TWF2: variants seen among roughly 807,000 people sequenced by gnomAD.
The protein encoded by TWF2 is twinfilin actin binding protein 2.
TWF2 carries 15 observed loss-of-function variants against 45.1 expected under a neutral mutation model. The observed-to-expected ratio is 0.33, with a 90% confidence interval of 0.22 to 0.51. TWF2 has a LOEUF of 0.51. TWF2 is among the 20% of genes least tolerant of loss of function. The probability of loss-of-function intolerance (pLI) is 0.97; values close to 1 mark genes in which losing one functional copy is unlikely to be tolerated. For synonymous variants in TWF2, 177 were observed against 195.8 expected (o/e 0.90, Z 0.80); for missense variants, 423 against 469.1 (o/e 0.90, Z 0.91).
intron 3 of TWF2, among the ~76,000 whole-genome samples, 167 bp from the exon 4 acceptor site, chr3:52,231,706 C>G (rs563704035): frequency 6.6e-6 from 1 of 152,314 alleles, no homozygotes; most frequent in Admixed American, 6.5e-5. Flanking sequence ...CAGGGGGAGC[C>G]CTCGTCCAGC....
In TWF2 at chr3:52,228,843, T is replaced by C. The variant is rs554348352; in HGVS notation, c.*191A>G. 4 of 857,842 alleles carry C rather than the reference T, an allele frequency of 4.7e-6. No individual in the cohort carries two copies. In the Admixed American group the frequency reaches 1.2e-4, roughly 26 times the overall value. 53.1% of individuals were successfully genotyped at this position (857,842 alleles called of 1,614,324 possible). A position where few individuals can be genotyped will look rare whatever the true frequency, so the allele number is the denominator to read the frequency against. On this transcript the variant is annotated 3_prime_UTR_variant, in exon 9 of 9. Coordinates refer to ENST00000305533, the MANE Select transcript of TWF2 (RefSeq NM_007284.4). ...GGACACCCTGGGCACACAGACGAGATGCAGGGACAGCAACAGGGAAGGGTC... is the reference window on the plus strand; with the variant it reads ...GGACACCCTGGGCACACAGACGAGACGCAGGGACAGCAACAGGGAAGGGTC...
At position 52,229,010 on chromosome 3, in the gene TWF2, C is replaced by T. The variant is rs376541927; in HGVS notation, c.*24G>A. 93 of 1,605,242 alleles carry T rather than the reference C, an allele frequency of 5.8e-5. 1 individual carries two copies. Among genetic ancestry groups the T allele is most frequent in the Non-Finnish European group, 7.3e-5 (86 of 1,176,508 alleles). Reference sequence around the variant, plus strand: ...AAGGTGGGCAGCCCCACAGTCCACACGTGGCCGGCCCTGCTCCAGCCTCCT... The same window carrying T: ...AAGGTGGGCAGCCCCACAGTCCACATGTGGCCGGCCCTGCTCCAGCCTCCT... On this transcript the variant is annotated 3_prime_UTR_variant, in exon 9 of 9. Transcript: ENST00000305533.
At chr3:52,231,867 G>A in intron 3 of TWF2, 77 bp downstream of exon 3, 1 of 1,550,838 alleles carries the variant, frequency 6.4e-7, no homozygotes. Flanking sequence ...GTCCCCTCTT[G>A]GATCCCCCAG....
At chr3:52,230,187 T>A in intron 6 of TWF2, 117 bp from the exon 7 acceptor site, 1 of 1,347,024 alleles carries the variant, frequency 7.4e-7, no homozygotes, top group Admixed American at 2.7e-5. Flanking sequence ...GTGACCTCCC[T>A]CTCCCAAGAC....
intron 2 of TWF2, among the ~76,000 whole-genome samples, chr3:52,233,966 C>T (rs978359967): frequency 2.1e-5 from 3 of 145,334 alleles, no homozygotes; most frequent in African/African-American, 7.7e-5. Context: ...TGGGAGGCAA[C>T]AGGGAGGGCC....
chr3:52,236,672 C>A (rs192008446), intron 1 of TWF2, among the ~76,000 whole-genome samples: 1 of 152,172 alleles, frequency 6.6e-6, no homozygotes, highest in Non-Finnish European at 1.5e-5. Flanking sequence ...TCAGGTGCCC[C>A]CCCTTTGCAG....
At chr3:52,234,926 T>C (rs1699711031) in intron 2 of TWF2, 103 bp downstream of exon 2, 7 of 1,342,550 alleles carry the variant, frequency 5.2e-6, no homozygotes, top group South Asian at 1.2e-5. Flanking sequence ...GAGTGGGAAA[T>C]TGAGGTCCCG....
At position 52,232,011 on chromosome 3, in the gene TWF2, C is replaced by T. The variant is rs748851110; in HGVS notation, c.215G>A (p.Arg72His). ...GCCCTGAGCATTCTGTGAGTCGAGG[C>T]GGTAGAGCAGGTAGCAGGGCTGCTG... ...DAQQPCYLLY[R>H]LDSQNAQGFE... Residue 72 changes from arginine to histidine, a missense_variant, in exon 3 of 9, where the codon CGC becomes CAC. Coordinates refer to ENST00000305533, the MANE Select transcript of TWF2 (RefSeq NM_007284.4). 9 of 1,614,064 alleles carry T rather than the reference C, an allele frequency of 5.6e-6. No individual in the cohort carries two copies. Among genetic ancestry groups the T allele is most frequent in the Middle Eastern group, 3.3e-4 (2 of 6,062 alleles).
intron 1 of TWF2, among the ~76,000 whole-genome samples, chr3:52,236,371 A>G (rs1699726037): frequency 1.3e-5 from 2 of 151,396 alleles, no homozygotes; most frequent in South Asian, 4.2e-4. Context: ...AGAGCCAGTG[A>G]GTGACCAAGG....
At chr3:52,238,869 G>A in intron 1 of TWF2, 123 bp downstream of exon 1, 3 of 1,350,028 alleles carry the variant, frequency 2.2e-6, no homozygotes, top group Admixed American at 2.5e-5. Flanking sequence ...ACCCGCGGCT[G>A]CAAAAGAGAA....
intron 3 of TWF2, 47 bp from the exon 4 acceptor site, chr3:52,231,586 C>G: frequency 6.4e-7 from 1 of 1,573,926 alleles, no homozygotes; most frequent in South Asian, 1.1e-5. Context: ...GCAGGGCTGC[C>G]TCTCCCGGAA....
chr3:52,235,203 G>T, intron 1 of TWF2, 97 bp from the exon 2 acceptor site: 1 of 1,279,284 alleles, frequency 7.8e-7, no homozygotes. Flanking sequence ...TGGCTGAGCT[G>T]GGAACCAGGT....
intron 6 of TWF2, 33 bp downstream of exon 6, chr3:52,230,837 C>T: frequency 6.2e-7 from 1 of 1,603,658 alleles, no homozygotes; most frequent in Non-Finnish European, 8.5e-7. Context: ...GGGGTGGTGG[C>T]AGCATGTGCC....
chr3:52,229,558 C>T (rs941322210), intron 8 of TWF2, 103 bp downstream of exon 8: 6 of 1,535,128 alleles, frequency 3.9e-6, no homozygotes, highest in Non-Finnish European at 5.3e-6. Flanking sequence ...ATCAACACGA[C>T]AGCAACGATT....
At chr3:52,237,994 G>A (rs1699743020) in intron 1 of TWF2, among the ~76,000 whole-genome samples, 1 of 152,246 alleles carries the variant, frequency 6.6e-6, no homozygotes, top group Non-Finnish European at 1.5e-5. Context: ...TGACAGAGGA[G>A]GACACTGAGC....
intron 1 of TWF2, among the ~76,000 whole-genome samples, chr3:52,238,390 G>C (rs887737262): frequency 7.9e-5 from 12 of 152,174 alleles, no homozygotes; most frequent in African/African-American, 2.9e-4. Context: ...GAGGAGCAAA[G>C]GTCAGGGCCT....
intron 1 of TWF2, among the ~76,000 whole-genome samples, chr3:52,237,921 G>T (rs552343707): frequency 6.6e-6 from 1 of 152,216 alleles, no homozygotes; most frequent in Non-Finnish European, 1.5e-5. Context: ...GGCCAAACCC[G>T]CCAGGCTGTC....
chr3:52,238,635 C>A (rs1381481673), intron 1 of TWF2, among the ~76,000 whole-genome samples: 1 of 152,198 alleles, frequency 6.6e-6, no homozygotes, highest in Admixed American at 6.5e-5. Flanking sequence ...ACAAGCGAGT[C>A]ACATCCAGAG....
At chr3:52,229,610 A>G in intron 8 of TWF2, 51 bp downstream of exon 8, 1 of 1,600,584 alleles carries the variant, frequency 6.2e-7, no homozygotes, top group Non-Finnish European at 8.5e-7. Flanking sequence ...CCCCACATGG[A>G]GATTGGAGTG....
Sources: allele counts gnomAD v4.1 joint callset (sites outside exome capture counted in the v4.1 genomes callset), GRCh38; gene constraint gnomAD v4.1.1; transcripts MANE v1.5; gene names NCBI Gene and HGNC (gene_info 2026-07-23, HGNC 2026-07-21).